The following TLN2 variants were observed in gnomAD, a reference collection of about 807,000 sequenced individuals.
TLN2 encodes talin 2, also known as talin-2.
TLN2 carries 118 observed loss-of-function variants against 294.7 expected under a neutral mutation model. The ratio of observed to expected loss-of-function variants is 0.40; its 90% CI spans 0.34 to 0.47. TLN2 has a LOEUF of 0.47. TLN2 is among the 20% of genes least tolerant of loss of function. The pLI is 0.84. For synonymous variants in TLN2, 1,431 were observed against 1,304.5 expected (o/e 1.10, Z -2.09); for missense variants, 3,083 against 3,282.2 (o/e 0.94, Z 1.48).
intron 3 of TLN2, among the ~76,000 whole-genome samples, chr15:62,634,883 C>T (rs761062573): frequency 5.3e-5 from 8 of 152,192 alleles, no homozygotes; most frequent in Admixed American, 6.5e-5. Flanking sequence ...TCTGTCATTT[C>T]GACTGTTTGC....
At chr15:62,653,067 C>T in intron 6 of TLN2, 95 bp from the exon 7 acceptor site, 1 of 1,069,598 alleles carries the variant, frequency 9.3e-7, no homozygotes. Flanking sequence ...GGTTCTTTGC[C>T]ACCAGGAGCT....
chr15:62,604,694 CT>C (rs59233796), intron 2 of TLN2, among the ~76,000 whole-genome samples: 44,311 of 137,528 alleles, frequency 0.32, 7,030 homozygotes, highest in East Asian at 0.58. Flanking sequence ...TCTTCGTCTT[CT>C]TTTTTTTTTT....
At chr15:62,627,615 T>G (rs909714370) in intron 3 of TLN2, among the ~76,000 whole-genome samples, 5 of 152,210 alleles carry the variant, frequency 3.3e-5, no homozygotes, top group African/African-American at 1.2e-4. Context: ...ATTTTAAAAG[T>G]CGAAAGAGCA....
chr15:62,563,003 C>T (rs2043106012), intron 1 of TLN2, among the ~76,000 whole-genome samples: 1 of 149,060 alleles, frequency 6.7e-6, no homozygotes, highest in Admixed American at 6.7e-5. Flanking sequence ...GATTGATGGG[C>T]ATTTGGGCTG....
At chr15:62,599,852 T>G (rs537872687) in intron 2 of TLN2, among the ~76,000 whole-genome samples, 2 of 152,208 alleles carry the variant, frequency 1.3e-5, no homozygotes, top group African/African-American at 4.8e-5. Context: ...GCCACTCTTG[T>G]CAGAAGTTTG....
intron 45 of TLN2, among the ~76,000 whole-genome samples, chr15:62,785,003 G>A (rs2064521044): frequency 6.6e-6 from 1 of 152,144 alleles, no homozygotes; most frequent in Non-Finnish European, 1.5e-5. Context: ...TCTAATGTGT[G>A]TGGTAACAAT....
intron 37 of TLN2, among the ~76,000 whole-genome samples, chr15:62,759,648 A>G (rs1006748274): frequency 2.6e-5 from 4 of 152,088 alleles, no homozygotes; most frequent in African/African-American, 9.7e-5. Flanking sequence ...AAGCTTGGAG[A>G]GGTAAGAAGC....
At chr15:62,650,257 C>T (rs371055520) in intron 5 of TLN2, 76 bp downstream of exon 5, 15 of 1,461,094 alleles carry the variant, frequency 1.0e-5, no homozygotes, top group East Asian at 9.2e-5. Flanking sequence ...AACACGGTTA[C>T]GCTATTTTGA....
chr15:62,753,891 T>G lies in TLN2; in HGVS notation c.4451T>G (p.Val1484Gly), dbSNP rs1195730287. 1.9e-5 allele frequency: 31 copies of G among 1,608,034 alleles called. No homozygotes were observed. Among genetic ancestry groups the G allele is most frequent in the Non-Finnish European group, 2.5e-5 (29 of 1,177,272 alleles). ...ATCCAGATGGCATGCCAGAACTTGGTGGACCCTGGCAGCAGCCCATCACAG... is the reference window on the plus strand; with the variant it reads ...ATCCAGATGGCATGCCAGAACTTGGGGGACCCTGGCAGCAGCCCATCACAG... ...QAIQMACQNL[V>G]DPGSSPSQVL... is the part of the protein sequence containing the mutation. The change falls in exon 36 of 59, where the codon GTG becomes GGG. Residue 1484 changes from valine (V) to glycine (G), a missense_variant. Physicochemically the swap from Val to Gly is moderately radical, Grantham distance 109. Transcript: ENST00000636159.
At chr15:62,766,191 T>C in intron 40 of TLN2, 130 bp from the exon 41 acceptor site, 1 of 680,798 alleles carries the variant, frequency 1.5e-6, no homozygotes, top group Non-Finnish European at 2.4e-6. Flanking sequence ...AGTGGCTTGA[T>C]GGCACACACG....
chr15:62,764,877 G>C (rs898436663), intron 40 of TLN2, among the ~76,000 whole-genome samples: 4 of 151,240 alleles, frequency 2.6e-5, no homozygotes, highest in Non-Finnish European at 5.9e-5. Context: ...TGAGGCAGGA[G>C]AATTGCTTGA....
chr15:62,585,008 C>A (rs1463198521), intron 1 of TLN2, among the ~76,000 whole-genome samples: 1 of 152,170 alleles, frequency 6.6e-6, no homozygotes, highest in African/African-American at 2.4e-5. Flanking sequence ...GATTTTTACA[C>A]ACATGCAGTT....
At chr15:62,733,752 A>G (rs550367997) in intron 28 of TLN2, 1 of 152,368 alleles carries the variant, frequency 6.6e-6, no homozygotes, top group South Asian at 2.1e-4. Flanking sequence ...TAAGATCCAG[A>G]TGGCAAGAAT....
chr15:62,813,961 C>T (rs111519106), intron 52 of TLN2, among the ~76,000 whole-genome samples: 5,323 of 152,106 alleles, frequency 0.035, 125 homozygotes, highest in Middle Eastern at 0.054. Context: ...ATTACAGGCA[C>T]GAGCTACCAG....
intron 57 of TLN2, 123 bp downstream of exon 57, chr15:62,836,196 G>T: frequency 7.3e-7 from 1 of 1,370,824 alleles, no homozygotes; most frequent in Non-Finnish European, 9.9e-7. Context: ...CCCTGTCCAC[G>T]TTCCAGCCTC....
intron 51 of TLN2, among the ~76,000 whole-genome samples, chr15:62,808,397 A>T (rs1047600148): frequency 6.6e-6 from 1 of 152,222 alleles, no homozygotes; most frequent in African/African-American, 2.4e-5. Flanking sequence ...ATTTTTTAAA[A>T]ATCATGAACT....
chr15:62,558,442 G>A (rs933550492), intron 1 of TLN2, among the ~76,000 whole-genome samples: 5 of 152,120 alleles, frequency 3.3e-5, no homozygotes, highest in African/African-American at 1.2e-4. Context: ...ATATGTTCAG[G>A]ATGTAGTTCC....
intron 2 of TLN2, among the ~76,000 whole-genome samples, chr15:62,602,881 TA>T (rs1360100096): frequency 5.4e-4 from 81 of 150,268 alleles, no homozygotes; most frequent in South Asian, 8.4e-4. Flanking sequence ...TTTTTTTTTT[TA>T]AATTTTTATT....
chr15:62,796,043 G>A, intron 46 of TLN2, 84 bp from the exon 47 acceptor site: 1 of 1,525,294 alleles, frequency 6.6e-7, no homozygotes, highest in Non-Finnish European at 8.9e-7. Context: ...ACTCCTAGGA[G>A]AGAATTCATT....
Sources: gnomAD v4.1 joint callset for allele counts (sites outside exome capture counted in the v4.1 genomes callset) on GRCh38, gnomAD v4.1.1 for gene constraint, MANE v1.5 for transcripts, NCBI Gene and HGNC (gene_info 2026-07-23, HGNC 2026-07-21) for gene names.